Variants in LUZP2 observed in about 807,000 individuals in gnomAD.
LUZP2 encodes leucine zipper protein 2.
A neutral mutation model predicts 51.6 loss-of-function variants in LUZP2; 52 were observed. The ratio of observed to expected loss-of-function variants is 1.01; its 90% CI spans 0.81 to 1.27. The LOEUF (loss-of-function observed/expected upper bound fraction) is 1.27, where lower values mean the gene tolerates loss of function less well. LUZP2 is among the 50% of genes most tolerant of loss of function. LUZP2 has a pLI of 0.00. For synonymous variants in LUZP2, 154 were observed against 137.3 expected (o/e 1.12, Z -0.85); for missense variants, 436 against 395.4 (o/e 1.10, Z -0.87).
At chr11:24,558,646 G>T (rs1200956681) in intron 1 of LUZP2, among the ~76,000 whole-genome samples, 2 of 152,136 alleles carry the variant, frequency 1.3e-5, no homozygotes, top group Non-Finnish European at 2.9e-5. Context: ...TAGTTCAATA[G>T]TACTAGGAGG....
chr11:24,721,074 G>GA (rs1237233612), intron 1 of LUZP2, among the ~76,000 whole-genome samples: 1 of 152,098 alleles, frequency 6.6e-6, no homozygotes, highest in Non-Finnish European at 1.5e-5. Context: ...AAGAAGCTGA[G>GA]AAAAATAACA....
intron 1 of LUZP2, among the ~76,000 whole-genome samples, chr11:24,527,935 G>T (rs963525749): frequency 6.6e-6 from 1 of 151,194 alleles, no homozygotes; most frequent in African/African-American, 2.4e-5. Context: ...TTGGTTTTGT[G>T]ACCATAGACA....
chr11:24,602,058 ATG>A (rs1853686843), intron 1 of LUZP2, among the ~76,000 whole-genome samples: 5 of 122,512 alleles, frequency 4.1e-5, no homozygotes, highest in African/African-American at 8.8e-5. Flanking sequence ...ATGTGTATAT[ATG>A]TGTATATATA....
At position 24,825,912 on chromosome 11, in the gene LUZP2, G is replaced by A. The variant is rs1010600802; in HGVS notation, c.396+62604G>A. Among the ~76,000 whole-genome samples the A allele has an allele frequency of 4.0e-5, 6 of 151,830 alleles. No individual in the cohort carries two copies. The South Asian group carries it at 6.2e-4, about 16-fold the overall frequency. On this transcript the variant is annotated intron_variant, in intron 5 of 11. Transcript: ENST00000336930. ...AAATTATAATAAAAGTTGGCCGAGC[G>A]CGATGGCTCACACCTGTAATCCCAG...
At chr11:24,644,100 G>C (rs1013174264) in intron 1 of LUZP2, among the ~76,000 whole-genome samples, 13 of 152,140 alleles carry the variant, frequency 8.5e-5, no homozygotes, top group Admixed American at 2.6e-4. Context: ...CTAGGACTGA[G>C]TATTAAGGAG....
intron 1 of LUZP2, among the ~76,000 whole-genome samples, chr11:24,710,045 C>A (rs1482740648): frequency 6.6e-6 from 1 of 152,082 alleles, no homozygotes; most frequent in African/African-American, 2.4e-5. Context: ...TTTTTATTTG[C>A]CCTCAACTTA....
chr11:24,568,170 G>GT (rs1426199968), intron 1 of LUZP2, among the ~76,000 whole-genome samples: 1 of 151,944 alleles, frequency 6.6e-6, no homozygotes, highest in East Asian at 1.9e-4. Flanking sequence ...GACCAGCCTG[G>GT]CCAAGATGGC....
At chr11:24,566,339 T>A (rs1483771945) in intron 1 of LUZP2, among the ~76,000 whole-genome samples, 1 of 148,228 alleles carries the variant, frequency 6.7e-6, no homozygotes, top group Non-Finnish European at 1.5e-5. Flanking sequence ...TTTTTTTTTT[T>A]TTTTTTTTTG....
rs542376641 is a variant in LUZP2, at chr11:24,898,047, T to C, written c.397-7944T>C. Among the ~76,000 whole-genome samples the C allele has an allele frequency of 2.0e-5, 3 of 152,292 alleles. No individual in the cohort carries two copies. In the East Asian group the frequency reaches 5.8e-4, roughly 29 times the overall value. On this transcript the variant is annotated intron_variant, in intron 5 of 11. Transcript: ENST00000336930. ...CAGTTTTAACAGATGCCTAGTAACA[T>C]ATAGTTGAATGGATCTAGGAGATTC...
intron 1 of LUZP2, among the ~76,000 whole-genome samples, chr11:24,652,471 A>G (rs1012825743): frequency 2.6e-5 from 4 of 152,134 alleles, no homozygotes; most frequent in African/African-American, 9.7e-5. Flanking sequence ...AGAGAGAAAT[A>G]ATATTTCATT....
intron 9 of LUZP2, among the ~76,000 whole-genome samples, chr11:25,015,382 C>G (rs932969883): frequency 4.6e-5 from 7 of 152,084 alleles, no homozygotes; most frequent in Admixed American, 1.3e-4. Flanking sequence ...ATACTATTAC[C>G]AAACTACAGA....
At chr11:24,654,342 C>A (rs1314803324) in intron 1 of LUZP2, among the ~76,000 whole-genome samples, 2 of 151,992 alleles carry the variant, frequency 1.3e-5, no homozygotes, top group East Asian at 1.9e-4. Context: ...TTGTCCTCAC[C>A]CTTAGTAATT....
At chr11:24,714,152 G>T (rs908682485) in intron 1 of LUZP2, among the ~76,000 whole-genome samples, 3 of 151,952 alleles carry the variant, frequency 2.0e-5, no homozygotes, top group Non-Finnish European at 4.4e-5. Context: ...GGGGGTAGGA[G>T]GCAAGAAGAG....
intron 4 of LUZP2, among the ~76,000 whole-genome samples, chr11:24,742,424 A>G (rs1431927364): frequency 6.6e-6 from 1 of 151,590 alleles, no homozygotes; most frequent in Non-Finnish European, 1.5e-5. Flanking sequence ...TTGCATTTTG[A>G]TTTTGATTTG....
chr11:24,762,538 C>T (rs907435884), intron 4 of LUZP2, among the ~76,000 whole-genome samples: 4 of 151,978 alleles, frequency 2.6e-5, no homozygotes, highest in Non-Finnish European at 4.4e-5. Flanking sequence ...ATGTTTCATC[C>T]ACTGTCATAG....
chr11:24,601,946 G>A (rs186797249), intron 1 of LUZP2, among the ~76,000 whole-genome samples: 1,663 of 127,458 alleles, frequency 0.013, 35 homozygotes, highest in African/African-American at 0.048. Context: ...ATGTATATAT[G>A]TATAAATGTA....
intron 1 of LUZP2, among the ~76,000 whole-genome samples, chr11:24,706,768 T>G (rs1268022186): frequency 6.6e-6 from 1 of 152,218 alleles, no homozygotes. Context: ...TTCATTAATA[T>G]CTGGTTTTTC....
Position 25,082,296 on chromosome 11 carries a change from A to T in LUZP2, c.*3638A>T, listed in dbSNP as rs1336212594. Reference sequence around the variant, plus strand: ...AAAGAAAATGTATTATTTTAGATGAACAATGTGGATAACTGAACTAAAACG... The same window carrying T: ...AAAGAAAATGTATTATTTTAGATGATCAATGTGGATAACTGAACTAAAACG... On this transcript the variant is annotated 3_prime_UTR_variant, in exon 12 of 12. Coordinates refer to ENST00000336930, the MANE Select transcript of LUZP2 (RefSeq NM_001009909.4). The T allele has an allele frequency of 1.3e-5, 2 of 152,638 alleles. No homozygotes were observed. The highest frequency in any genetic ancestry group is 4.8e-5 in the African/African-American group (2 of 41,466). 9.5% of individuals were successfully genotyped at this position (152,638 alleles called of 1,614,324 possible). A position where few individuals can be genotyped will look rare whatever the true frequency, so the allele number is the denominator to read the frequency against.
chr11:25,032,584 G>A (rs1857721812), intron 9 of LUZP2, among the ~76,000 whole-genome samples: 1 of 152,012 alleles, frequency 6.6e-6, no homozygotes, highest in Non-Finnish European at 1.5e-5. Context: ...CATGCCCTTA[G>A]AATCATGGAG....
Sources: allele counts gnomAD v4.1 joint callset (sites outside exome capture counted in the v4.1 genomes callset), GRCh38; gene constraint gnomAD v4.1.1; transcripts MANE v1.5; gene names NCBI Gene and HGNC (gene_info 2026-07-23, HGNC 2026-07-21).